The following SLC4A1AP variants were observed in gnomAD, a reference collection of about 807,000 sequenced individuals.
SLC4A1AP encodes the protein solute carrier family 4 member 1 adaptor protein.
A neutral mutation model predicts 89.7 loss-of-function variants in SLC4A1AP; 64 were observed. The ratio of observed to expected loss-of-function variants is 0.71; its 90% CI spans 0.58 to 0.88. The LOEUF is 0.88. Among genes scored for constraint, SLC4A1AP ranks in the 40% least tolerant of loss-of-function variants. The pLI is 0.00. For missense variants in SLC4A1AP, 931 were observed against 965.0 expected (o/e 0.96, Z 0.47); for synonymous variants, 366 against 353.3 (o/e 1.04, Z -0.40).
exon 10 of SLC4A1AP, chr2:27,685,093 G>A (rs149965409): frequency 7.7e-5 from 124 of 1,613,874 alleles, no homozygotes; most frequent in Admixed American, 1.3e-4. Flanking sequence ...TGAAAGATGA[G>A]CCTGAAGTAG....
intron 12 of SLC4A1AP, among the ~76,000 whole-genome samples, chr2:27,688,968 G>C (rs991308720): frequency 6.6e-6 from 1 of 152,070 alleles, no homozygotes; most frequent in African/African-American, 2.4e-5. Context: ...TCACATACAA[G>C]CTATCTCTTT....
intron 5 of SLC4A1AP, among the ~76,000 whole-genome samples, chr2:27,669,845 C>G (rs748677697): frequency 2.6e-5 from 4 of 152,038 alleles, no homozygotes; most frequent in Non-Finnish European, 5.9e-5. Flanking sequence ...TTGCACCACC[C>G]TGCACAACTA....
At chr2:27,667,139 G>C (rs1014318332) in intron 2 of SLC4A1AP, 129 bp from the exon 3 acceptor site, 17 of 960,972 alleles carry the variant, frequency 1.8e-5, no homozygotes, top group Non-Finnish European at 2.5e-5. Context: ...AAAGTGCTGG[G>C]ATTACAGGCA....
intron 6 of SLC4A1AP, 45 bp downstream of exon 6, chr2:27,675,737 T>C: frequency 7.7e-7 from 1 of 1,304,590 alleles, no homozygotes; most frequent in Non-Finnish European, 1.0e-6. Flanking sequence ...AATAGTTTAA[T>C]TTTTAATAAC....
chr2:27,685,127 G>T lies in SLC4A1AP; in HGVS notation c.1966G>T (p.Glu656Ter). Residue 656 changes from glutamate (E) to a stop codon, truncating the protein, a stop_gained, in exon 10 of 14, where the codon GAA (glutamate) becomes TAA (stop). Transcript: ENST00000613058. LOFTEE classifies it high-confidence loss of function. The stretch of plus-strand genomic sequence containing the variant: ...AGAAGAGGAGGAGGAAGAGGAAGAG[G>T]AAGAAGAGAAAGAAAAGGAGGAGCA... 1 of 1,613,916 alleles carries T rather than the reference G, an allele frequency of 6.2e-7. No individual in the cohort carries two copies. Among genetic ancestry groups the T allele is most frequent in the Non-Finnish European group, 8.5e-7 (1 of 1,179,870 alleles).
At chr2:27,675,956 C>T (rs1460220144) in intron 6 of SLC4A1AP, among the ~76,000 whole-genome samples, 1 of 152,106 alleles carries the variant, frequency 6.6e-6, no homozygotes, top group African/African-American at 2.4e-5. Flanking sequence ...TATGATATTA[C>T]CTCTCTCAAA....
exon 8 of SLC4A1AP, chr2:27,677,863 C>A: frequency 6.2e-7 from 1 of 1,613,336 alleles, no homozygotes; most frequent in Non-Finnish European, 8.5e-7. Context: ...GAGGAAAGAA[C>A]AACAGAGACT....
At chr2:27,674,755 A>G (rs1675488799) in intron 5 of SLC4A1AP, among the ~76,000 whole-genome samples, 1 of 142,924 alleles carries the variant, frequency 7.0e-6, no homozygotes, top group African/African-American at 2.6e-5. Context: ...CTTGTCACCC[A>G]GGCTGGAGTG....
chr2:27,689,573 C>A (rs556818601), intron 12 of SLC4A1AP, among the ~76,000 whole-genome samples: 67 of 152,216 alleles, frequency 4.4e-4, no homozygotes, highest in Admixed American at 2.0e-3. Flanking sequence ...GCAACACTTG[C>A]GAAATGTTGC....
chr2:27,667,875 GTATA>G (rs1224665883), intron 3 of SLC4A1AP, among the ~76,000 whole-genome samples: 1 of 151,126 alleles, frequency 6.6e-6, no homozygotes, highest in Non-Finnish European at 1.5e-5. Context: ...TATTTTATAT[GTATA>G]TATAAATAAT....
rs1306433439 is a variant in SLC4A1AP, at chr2:27,667,410, C to G, written c.1144+20C>G. 6.2e-7 allele frequency: 1 copy of G among 1,604,622 alleles called. No homozygotes were observed. On this transcript the variant is annotated intron_variant, in intron 3 of 13. Coordinates refer to ENST00000613058, the Ensembl canonical transcript of SLC4A1AP. ...GAGAAGGTATGTAAACAGATTCTGA[C>G]CCTACCACTAAAACATATCCAGAGC... is the stretch of plus-strand genomic sequence containing the variant.
Position 27,664,590 on chromosome 2 carries a change from A to C in SLC4A1AP, c.825+13A>C, listed in dbSNP as rs1328013585. On this transcript the variant is annotated intron_variant, in intron 1 of 13. Transcript: ENST00000613058. ...CTTTATCCTGCAGGTAGGTAGAAAAACCTAGAATTGAAATTTCGGGTTCAT... is the reference window on the plus strand; with the variant it reads ...CTTTATCCTGCAGGTAGGTAGAAAACCCTAGAATTGAAATTTCGGGTTCAT... 1.3e-6 allele frequency: 2 copies of C among 1,583,174 alleles called. No homozygotes were observed. The highest frequency in any genetic ancestry group is 1.7e-6 in the Non-Finnish European group (2 of 1,161,368).
At chr2:27,694,547 T>C in intron 13 of SLC4A1AP, 87 bp from the exon 14 acceptor site, 1 of 969,526 alleles carries the variant, frequency 1.0e-6, no homozygotes. Context: ...TCTATTTTAC[T>C]TTTTGGCCTA....
At chr2:27,669,752 A>G (rs1422473231) in intron 5 of SLC4A1AP, among the ~76,000 whole-genome samples, 5 of 152,158 alleles carry the variant, frequency 3.3e-5, no homozygotes, top group African/African-American at 9.7e-5. Context: ...GTGCAGCAGC[A>G]TGATCTCGGC....
At chr2:27,673,638 A>G (rs1300209539) in intron 5 of SLC4A1AP, among the ~76,000 whole-genome samples, 2 of 151,748 alleles carry the variant, frequency 1.3e-5, no homozygotes, top group Admixed American at 6.6e-5. Context: ...TACTTTTTTT[A>G]GATTTATTTT....
At chr2:27,689,125 T>C (rs1675750720) in intron 12 of SLC4A1AP, among the ~76,000 whole-genome samples, 1 of 152,184 alleles carries the variant, frequency 6.6e-6, no homozygotes, top group Non-Finnish European at 1.5e-5. Flanking sequence ...ATTTATTTAT[T>C]TATTTATTTA....
chr2:27,681,529 G>C (rs990837445), intron 8 of SLC4A1AP, among the ~76,000 whole-genome samples: 2 of 151,976 alleles, frequency 1.3e-5, no homozygotes, highest in African/African-American at 4.8e-5. Flanking sequence ...CTTATTCTGG[G>C]GTTTCCTCTG....
chr2:27,680,178 T>C (rs1208892537), intron 8 of SLC4A1AP, among the ~76,000 whole-genome samples: 1 of 152,174 alleles, frequency 6.6e-6, no homozygotes, highest in African/African-American at 2.4e-5. Flanking sequence ...CAGCATCTGC[T>C]ACTGTATCTC....
rs190011171 is a variant in SLC4A1AP at position 27,694,304 on chromosome 2, T to C, written c.2342-330T>C. ...TATTATAAATTGCATTCTATAGAGA[T>C]TGTACCAGTTTTATGCTCATACACA... is the stretch of plus-strand genomic sequence containing the variant. On this transcript the variant is annotated intron_variant, in intron 13 of 13. Transcript: ENST00000613058. 2.6e-5 allele frequency among the ~76,000 whole-genome samples: 4 copies of C among 152,290 alleles called. No homozygotes were observed. The East Asian group carries it at 7.7e-4, about 29-fold the overall frequency.
Sources: allele counts gnomAD v4.1 joint callset (sites outside exome capture counted in the v4.1 genomes callset), GRCh38; gene constraint gnomAD v4.1.1; transcripts MANE v1.5; gene names NCBI Gene and HGNC (gene_info 2026-07-23, HGNC 2026-07-21).